MROH7: variants seen among roughly 807,000 people sequenced by gnomAD.
The protein encoded by MROH7 is maestro heat-like repeat-containing protein family member 7.
In MROH7, 113 loss-of-function variants were observed where a neutral mutation model predicts 129.2. The observed-to-expected ratio is 0.87, with a 90% CI of 0.75 to 1.02. The LOEUF (loss-of-function observed/expected upper bound fraction) is 1.02. Ranked by LOEUF, MROH7 falls within the 50% of genes least tolerant of loss-of-function variation. MROH7 has a pLI of 0.00. For missense variants in MROH7, 1,601 were observed against 1,671.3 expected (o/e 0.96, Z 0.73); for synonymous variants, 655 against 667.9 (o/e 0.98, Z 0.30).
At chr1:54,644,412 G>A (rs1269822032) in intron 1 of MROH7, among the ~76,000 whole-genome samples, 2 of 149,432 alleles carry the variant, frequency 1.3e-5, no homozygotes, top group Admixed American at 1.4e-4. Flanking sequence ...GCATGATTTT[G>A]GCTCACTGCA....
In MROH7 at chr1:54,663,130, T is replaced by C. The variant is rs1055287120; in HGVS notation, c.1232-2037T>C. Among the ~76,000 whole-genome samples the C allele has an allele frequency of 1.3e-3, 205 of 152,338 alleles. 1 individual carries two copies. The highest frequency in any genetic ancestry group is 4.8e-3 in the African/African-American group (200 of 41,580). The stretch of plus-strand genomic sequence containing the variant: ...AATATTTACCCCTTTGTAGTAAATA[T>C]CGTGTGGTCAGGTACTTTGAAACTA... On this transcript the variant is annotated intron_variant, in intron 3 of 23. Transcript: ENST00000421030.
intron 15 of MROH7, 24 bp from the exon 16 acceptor site, chr1:54,692,400 G>GCA (rs1458695108): frequency 6.2e-7 from 1 of 1,613,400 alleles, no homozygotes; most frequent in African/African-American, 1.3e-5. Context: ...TAGGCATGAG[G>GCA]TCTTAATTGC....
intron 17 of MROH7, among the ~76,000 whole-genome samples, chr1:54,696,643 C>A (rs1239123993): frequency 1.4e-5 from 2 of 142,212 alleles, no homozygotes; most frequent in Non-Finnish European, 3.0e-5. Context: ...CTGTTGCATG[C>A]ATCACAATTT....
At chr1:54,656,812 A>AAAAT (rs963127556) in intron 3 of MROH7, among the ~76,000 whole-genome samples, 145 of 152,120 alleles carry the variant, frequency 9.5e-4, no homozygotes, top group African/African-American at 3.4e-3. Flanking sequence ...CTCTGTCTCA[A>AAAAT]AAATAAATAA....
At chr1:54,705,661 G>T (rs756060440) in intron 21 of MROH7, among the ~76,000 whole-genome samples, 10 of 151,982 alleles carry the variant, frequency 6.6e-5, no homozygotes, top group Admixed American at 2.6e-4. Flanking sequence ...GTGCAGATCT[G>T]GGGATAGCTG....
intron 19 of MROH7, among the ~76,000 whole-genome samples, chr1:54,701,872 G>T (rs570873713): frequency 6.8e-6 from 1 of 148,054 alleles, no homozygotes; most frequent in South Asian, 2.1e-4. Context: ...CACCTGGCCA[G>T]TTTTTTTTTT....
At chr1:54,674,862 G>A (rs1256524632) in intron 10 of MROH7, among the ~76,000 whole-genome samples, 1 of 152,184 alleles carries the variant, frequency 6.6e-6, no homozygotes, top group Non-Finnish European at 1.5e-5. Flanking sequence ...GGGGTAGAAT[G>A]ACCTTTGCAT....
At chr1:54,668,997 C>G in intron 5 of MROH7, 60 bp downstream of exon 5, 3 of 1,303,174 alleles carry the variant, frequency 2.3e-6, no homozygotes, top group Non-Finnish European at 3.3e-6. Context: ...ATTCCTGAGT[C>G]CACCCACTGA....
chr1:54,673,762 A>G lies in MROH7; in HGVS notation c.1757A>G (p.Asn586Ser). ...AHERARAVNT[N>S]VSVLNHMLLT... The stretch of plus-strand genomic sequence containing the variant: ...GAGCGAGCACGGGCTGTGAACACCA[A>G]TGTCTCTGTGTTGAACCACATGCTT... The change falls in exon 9 of 24, where the codon AAT (asparagine) becomes AGT (serine). Residue 586 changes from asparagine to serine, a missense_variant. Asn to Ser is a conservative substitution (Grantham distance 46, BLOSUM62 1). Coordinates refer to ENST00000421030, the MANE Select transcript of MROH7 (RefSeq NM_001039464.4). 6.2e-7 allele frequency: 1 copy of G among 1,614,130 alleles called. No homozygotes were observed. The highest frequency in any genetic ancestry group is 8.5e-7 in the Non-Finnish European group (1 of 1,180,022).
At chr1:54,673,317 G>A (rs1363910404) in intron 8 of MROH7, 131 bp downstream of exon 8, 7 of 683,386 alleles carry the variant, frequency 1.0e-5, no homozygotes, top group Non-Finnish European at 1.0e-5. Flanking sequence ...TGAGTGTTCT[G>A]CCTCCCTGTC....
intron 2 of MROH7, among the ~76,000 whole-genome samples, chr1:54,652,427 C>A (rs1384319032): frequency 1.3e-5 from 2 of 152,194 alleles, no homozygotes; most frequent in Non-Finnish European, 2.9e-5. Context: ...AACTGTGTAA[C>A]TGGCACTGGG....
At chr1:54,663,161 A>T (rs1644756265) in intron 3 of MROH7, among the ~76,000 whole-genome samples, 1 of 152,118 alleles carries the variant, frequency 6.6e-6, no homozygotes, top group Admixed American at 6.5e-5. Flanking sequence ...AACTATGTGA[A>T]TATCCCATTC....
At chr1:54,694,583 C>A (rs1206461192) in intron 16 of MROH7, among the ~76,000 whole-genome samples, 1 of 152,226 alleles carries the variant, frequency 6.6e-6, no homozygotes, top group Non-Finnish European at 1.5e-5. Flanking sequence ...TCTCCTGCCT[C>A]AACCTCCCAA....
At chr1:54,688,232 A>ATT (rs903515362) in intron 15 of MROH7, among the ~76,000 whole-genome samples, 232 of 132,282 alleles carry the variant, frequency 1.8e-3, no homozygotes, top group Middle Eastern at 8.3e-3. Flanking sequence ...AAAAAAAAAA[A>ATT]TTTTTTTTTT....
rs751831960 is a variant in MROH7 at position 54,700,316 on chromosome 1, C to T, written c.2965-5C>T. 1 of 1,614,102 alleles carries T rather than the reference C, an allele frequency of 6.2e-7. No homozygotes were observed. Among genetic ancestry groups the T allele is most frequent in the South Asian group, 1.1e-5 (1 of 91,056 alleles). ...CTGGGAAGTAATGACCCTTTGCTCC[C>T]TCAGCTCCTCCAGATGGAGCAGGTG... On this transcript the variant is annotated splice_region_variant and splice_polypyrimidine_tract_variant and intron_variant, in intron 17 of 23. Transcript: ENST00000421030.
At chr1:54,646,915 G>A (rs1019500853) in intron 1 of MROH7, among the ~76,000 whole-genome samples, 12 of 152,192 alleles carry the variant, frequency 7.9e-5, no homozygotes, top group Admixed American at 7.9e-4. Flanking sequence ...TTTGTGACCA[G>A]CTACTTTCAC....
intron 14 of MROH7, 35 bp downstream of exon 14, chr1:54,682,829 T>C: frequency 6.3e-7 from 1 of 1,597,006 alleles, no homozygotes; most frequent in Non-Finnish European, 8.5e-7. Flanking sequence ...TATTGCTGCC[T>C]GTCCTGCCCT....
In MROH7 at chr1:54,641,971, A is replaced by T. The variant is rs1400840803; in HGVS notation, c.-110+3A>T. The T allele has an allele frequency of 6.6e-6, 1 of 152,220 alleles. No homozygotes were observed. Among genetic ancestry groups the T allele is most frequent in the East Asian group, 1.9e-4 (1 of 5,188 alleles). 9.4% of individuals were successfully genotyped at this position (152,220 alleles called of 1,614,324 possible). ...CCATGTGGATGCTCCAGGTGAAGGT[A>T]ACACATTGAACTTTACATGAGCAGC... On this transcript the variant is annotated splice_donor_region_variant and intron_variant, in intron 1 of 23. Coordinates refer to ENST00000421030, the MANE Select transcript of MROH7 (RefSeq NM_001039464.4).
chr1:54,655,580 A>G (rs1481457352), intron 3 of MROH7, among the ~76,000 whole-genome samples: 2 of 151,592 alleles, frequency 1.3e-5, no homozygotes, highest in Non-Finnish European at 2.9e-5. Flanking sequence ...GGGCCTTGCT[A>G]CGTTGCCCAG....
Sources: gnomAD v4.1 joint callset for allele counts (sites outside exome capture counted in the v4.1 genomes callset) on GRCh38, gnomAD v4.1.1 for gene constraint, MANE v1.5 for transcripts, NCBI Gene and HGNC (gene_info 2026-07-23, HGNC 2026-07-21) for gene names.